SYNE2: variants seen among roughly 807,000 people sequenced by gnomAD.
SYNE2 encodes the protein spectrin repeat containing nuclear envelope protein 2.
SYNE2 carries 431 observed loss-of-function variants against 856.3 expected under a neutral mutation model. That is an observed-to-expected ratio of 0.50 (90% CI 0.47 to 0.55). The LOEUF is 0.55. Among genes scored for constraint, SYNE2 ranks in the 20% least tolerant of loss-of-function variants. The pLI, the probability that SYNE2 is intolerant of heterozygous loss-of-function variation, is 0.00. For missense variants in SYNE2, 8,129 were observed against 8,023.2 expected, an observed-to-expected ratio of 1.01 and a Z score of -0.50; for synonymous variants, 2,923 against 2,872.3, an observed-to-expected ratio of 1.02 and a Z score of -0.56.
In SYNE2 at chr14:64,208,896, G is replaced by A; in HGVS notation, c.18340G>A (p.Asp6114Asn). The change falls in exon 101 of 116, where the codon GAC becomes AAC. Residue 6114 changes from aspartate (D) to asparagine (N), a missense_variant. Physicochemically the swap from Asp to Asn is conservative, Grantham distance 23. Around this residue, in one of 3 missense-constraint regions of SYNE2, gnomAD observed 5,410 missense variants for 5,284.8 expected, o/e 1.02. Transcript: ENST00000555002. ...DSIQQTTRSL[D>N]RRWRNICAMS... ...GATCCAGCAGACCACCAGGAGCCTGGACAGACGCTGGAGGAACATTTGTGC... is the reference window on the plus strand; with the variant it reads ...GATCCAGCAGACCACCAGGAGCCTGAACAGACGCTGGAGGAACATTTGTGC... 6.2e-7 allele frequency: 1 copy of A among 1,614,206 alleles called. No individual in the cohort carries two copies. The highest frequency in any genetic ancestry group is 8.5e-7 in the Non-Finnish European group (1 of 1,180,048).
rs1284416487 is a variant in SYNE2 at position 64,074,005 on chromosome 14, C to A, written c.10735C>A (p.Gln3579Lys). 1 of 1,614,156 alleles carries A rather than the reference C, an allele frequency of 6.2e-7. No individual in the cohort carries two copies. Among genetic ancestry groups the A allele is most frequent in the Non-Finnish European group, 8.5e-7 (1 of 1,180,022 alleles). Residue 3579 changes from glutamine to lysine, a missense_variant, in exon 53 of 116, where the codon CAG becomes AAG. This residue lies in a region of SYNE2 where 5,410 missense variants were observed against 5,284.8 expected (regional missense o/e 1.02). Coordinates refer to ENST00000555002, the MANE Select transcript of SYNE2 (RefSeq NM_182914.3). ...AGTTCAGAAAAATAAAGAATTGGTG[C>A]AGACTGAAATCCAAGAAAGACATTC... ...QKVQKNKELV[Q>K]TEIQERHSFT...
chr14:63,854,709 G>GTT (rs376689225), intron 1 of SYNE2, among the ~76,000 whole-genome samples: 2 of 152,266 alleles, frequency 1.3e-5, no homozygotes, highest in South Asian at 2.1e-4. Flanking sequence ...CCTTAAAATT[G>GTT]TTTGAAAAAT....
intron 1 of SYNE2, among the ~76,000 whole-genome samples, chr14:63,863,869 C>CAA (rs376472689): frequency 0.63 from 95,221 of 151,186 alleles, 30,410 homozygotes; most frequent in South Asian, 0.77. Flanking sequence ...TTGTTGCCAG[C>CAA]GCTGGAGTGC....
intron 57 of SYNE2, among the ~76,000 whole-genome samples, chr14:64,086,535 G>C (rs1164331635): frequency 6.6e-6 from 1 of 152,010 alleles, no homozygotes; most frequent in Non-Finnish European, 1.5e-5. Flanking sequence ...CTAAATAAAG[G>C]TCTGTGGGAA....
At chr14:63,924,778 A>C (rs2095639893) in intron 2 of SYNE2, among the ~76,000 whole-genome samples, 1 of 144,638 alleles carries the variant, frequency 6.9e-6, no homozygotes, top group South Asian at 2.2e-4. Context: ...ATTCTGCATA[A>C]AAGTTCATGT....
intron 2 of SYNE2, among the ~76,000 whole-genome samples, chr14:63,925,513 T>C (rs1250929125): frequency 1.3e-5 from 2 of 152,236 alleles, no homozygotes; most frequent in Non-Finnish European, 2.9e-5. Flanking sequence ...ACAATCCAGT[T>C]ATACTCTGTA....
Position 64,220,486 on chromosome 14 carries a change from A to G in SYNE2, c.19910A>G (p.Asn6637Ser). ...TACAAGGCATTAGTGGTCTCTGTCA[A>G]CGTGAGCAGCAAGGAATTTCTGCAA... ...DTYKALVVSV[N>S]VSSKEFLQTE... The change falls in exon 111 of 116, where the codon AAC (asparagine) becomes AGC (serine). Residue 6637 changes from asparagine (N) to serine (S), a missense_variant. Physicochemically the swap from Asn to Ser is conservative, Grantham distance 46. This residue lies in a region of SYNE2 where 5,410 missense variants were observed against 5,284.8 expected (regional missense o/e 1.02). Coordinates refer to ENST00000555002, the MANE Select transcript of SYNE2 (RefSeq NM_182914.3). 3 of 1,614,200 alleles carry G rather than the reference A, an allele frequency of 1.9e-6. No individual in the cohort carries two copies. The highest frequency in any genetic ancestry group is 2.5e-6 in the Non-Finnish European group (3 of 1,180,030).
intron 1 of SYNE2, among the ~76,000 whole-genome samples, chr14:63,826,219 A>G (rs946581245): frequency 6.6e-6 from 1 of 152,250 alleles, no homozygotes; most frequent in Non-Finnish European, 1.5e-5. Context: ...ATGGAATAGC[A>G]CTGAGAATCT....
At chr14:63,858,262 CTTTTTTTTTTTTTTTTTTTT>C (rs61091259) in intron 1 of SYNE2, among the ~76,000 whole-genome samples, 1 of 52,896 alleles carries the variant, frequency 1.9e-5, no homozygotes, top group African/African-American at 8.6e-5. Flanking sequence ...CCACACCGGC[CTTTTTTTTTTTTTTTTTTTT>C]TTTTTTTTTT....
In SYNE2 at chr14:64,145,088, A is replaced by G. The variant is rs528069371; in HGVS notation, c.15484-980A>G. ...ATTACACATGCCTGCCGCCACGCCT[A>G]GCTAATTTTTGTATTTTTAGTAGAG... On this transcript the variant is annotated intron_variant, in intron 83 of 115. Coordinates refer to ENST00000555002, the MANE Select transcript of SYNE2 (RefSeq NM_182914.3). Among the ~76,000 whole-genome samples the G allele has an allele frequency of 1.3e-3, 193 of 151,856 alleles. 1 individual carries two copies. Among genetic ancestry groups the G allele is most frequent in the African/African-American group, 4.3e-3 (177 of 41,476 alleles).
At chr14:63,986,658 T>C (rs565117838) in intron 19 of SYNE2, 41 bp downstream of exon 19, 1 of 1,599,600 alleles carries the variant, frequency 6.3e-7, no homozygotes, top group Admixed American at 1.7e-5. Flanking sequence ...TTCATGGTTG[T>C]GCATTTATGT....
chr14:63,796,787 C>A (rs1244412706), intron 1 of SYNE2, among the ~76,000 whole-genome samples: 2 of 151,958 alleles, frequency 1.3e-5, no homozygotes, highest in Non-Finnish European at 2.9e-5. Flanking sequence ...GCATTATGCT[C>A]CAGCCTGGGC....
intron 100 of SYNE2, chr14:64,208,115 A>T (rs533793367): frequency 1.1e-5 from 5 of 456,066 alleles, no homozygotes; most frequent in South Asian, 7.7e-5. Context: ...ATCATCATCA[A>T]AGGACAAGAC....
At chr14:64,189,770 C>T (rs2098509262) in intron 98 of SYNE2, among the ~76,000 whole-genome samples, 1 of 152,122 alleles carries the variant, frequency 6.6e-6, no homozygotes, top group Non-Finnish European at 1.5e-5. Context: ...CTTCTTGGCT[C>T]AAGGGGTCCT....
chr14:64,039,242 G>T (rs2097128543), intron 45 of SYNE2, among the ~76,000 whole-genome samples: 1 of 152,230 alleles, frequency 6.6e-6, no homozygotes, highest in Non-Finnish European at 1.5e-5. Flanking sequence ...CAGGTTACAA[G>T]TATTGGATTT....
chr14:63,993,967 G>C lies in SYNE2; in HGVS notation c.2779G>C (p.Glu927Gln), dbSNP rs763957334. ...GAGTAGAGATGTCTGTGCCAAATGG[G>C]AGGTAAGAACATGCATATGTTTCTG... ...EKSRDVCAKW[E>Q]SLHHELSLYV... Residue 927 changes from glutamate (E) to glutamine (Q), a missense_variant and splice_region_variant, in exon 22 of 116, where the codon GAG becomes CAG. Around this residue, in one of 3 missense-constraint regions of SYNE2, gnomAD observed 2,422 missense variants for 2,357.4 expected, o/e 1.03. Coordinates refer to ENST00000555002, the MANE Select transcript of SYNE2 (RefSeq NM_182914.3). The C allele has an allele frequency of 1.9e-6, 3 of 1,613,654 alleles. No individual in the cohort carries two copies. In the African/African-American group the frequency reaches 4.0e-5, roughly 22 times the overall value.
At chr14:64,040,870 G>C (rs2097143260) in intron 45 of SYNE2, among the ~76,000 whole-genome samples, 1 of 151,716 alleles carries the variant, frequency 6.6e-6, no homozygotes, top group Non-Finnish European at 1.5e-5. Context: ...GAAGAACAGA[G>C]AGCCTTGAAC....
intron 99 of SYNE2, among the ~76,000 whole-genome samples, chr14:64,198,428 GTGTC>G (rs1283756314): frequency 1.3e-5 from 2 of 152,242 alleles, no homozygotes; most frequent in African/African-American, 4.8e-5. Flanking sequence ...TTAGATTACA[GTGTC>G]TGTACAGAAC....
intron 52 of SYNE2, among the ~76,000 whole-genome samples, chr14:64,072,873 A>G (rs1386603958): frequency 6.6e-6 from 1 of 152,212 alleles, no homozygotes; most frequent in Admixed American, 6.5e-5. Context: ...TTAATTTGCT[A>G]GAGTGGCTCA....
Sources: gnomAD v4.1 joint callset for allele counts (sites outside exome capture counted in the v4.1 genomes callset) on GRCh38, gnomAD v4.1.1 for gene constraint, gnomAD v4.1.1 regional missense constraint, MANE v1.5 for transcripts, NCBI Gene and HGNC (gene_info 2026-07-23, HGNC 2026-07-21) for gene names.